LHFPL3: variants seen among roughly 807,000 people sequenced by gnomAD.
The protein encoded by LHFPL3 is LHFPL tetraspan subfamily member 3 protein.
LHFPL3 carries 5 observed loss-of-function variants against 19.3 expected under a neutral mutation model. The observed-to-expected ratio is 0.26, with a 90% CI of 0.14 to 0.54. The LOEUF (loss-of-function observed/expected upper bound fraction) is 0.54. LHFPL3 is among the 20% of genes least tolerant of loss of function. The pLI, the probability that LHFPL3 is intolerant of heterozygous loss-of-function variation, is 0.94. For synonymous variants in LHFPL3, 133 were observed against 126.2 expected, an observed-to-expected ratio of 1.05 and a Z score of -0.36; for missense variants, 249 against 307.4, an observed-to-expected ratio of 0.81 and a Z score of 1.42.
At chr7:104,498,687 A>G (rs1390756075) in intron 1 of LHFPL3, among the ~76,000 whole-genome samples, 12 of 152,108 alleles carry the variant, frequency 7.9e-5, no homozygotes, top group Non-Finnish European at 1.5e-4. Flanking sequence ...CATGTTGACC[A>G]GGTTGGTCTC....
intron 2 of LHFPL3, among the ~76,000 whole-genome samples, chr7:104,832,958 ATG>A: frequency 1.5e-5 from 1 of 66,862 alleles, no homozygotes; most frequent in African/African-American, 7.1e-5. Context: ...AACTAATAGG[ATG>A]TATATATATA....
intron 1 of LHFPL3, among the ~76,000 whole-genome samples, chr7:104,698,666 G>T (rs565869455): frequency 6.6e-6 from 1 of 152,132 alleles, no homozygotes; most frequent in East Asian, 1.9e-4. Flanking sequence ...AGAAACCAAG[G>T]TATCTTTTAA....
At chr7:104,414,996 C>A (rs947505038) in intron 1 of LHFPL3, among the ~76,000 whole-genome samples, 4 of 151,998 alleles carry the variant, frequency 2.6e-5, no homozygotes, top group Non-Finnish European at 5.9e-5. Flanking sequence ...AGTTACATTT[C>A]GGGTAAATGT....
Position 104,823,828 on chromosome 7 carries a change from G to T in LHFPL3, c.683-82359G>T, listed in dbSNP as rs569550847. ...CTGGAAAAAAAGAGAAAGAGATATG[G>T]CTAATAAACTATTCAAAAAAGATTT... On this transcript the variant is annotated intron_variant, in intron 2 of 2. Transcript: ENST00000424859. Among the ~76,000 whole-genome samples the T allele has an allele frequency of 2.3e-4, 35 of 152,036 alleles. 1 individual carries two copies. In the Middle Eastern group the frequency reaches 0.014, roughly 59 times the overall value.
chr7:104,378,431 T>C (rs947596593), intron 1 of LHFPL3, among the ~76,000 whole-genome samples: 2 of 152,234 alleles, frequency 1.3e-5, no homozygotes, highest in African/African-American at 4.8e-5. Context: ...GGATGTACTA[T>C]ATTTATTCAC....
chr7:104,666,678 C>T (rs1009658623), intron 1 of LHFPL3, among the ~76,000 whole-genome samples: 5 of 149,948 alleles, frequency 3.3e-5, no homozygotes, highest in African/African-American at 1.2e-4. Context: ...CCCGCCACTA[C>T]GCCCGGCTAA....
intron 1 of LHFPL3, among the ~76,000 whole-genome samples, chr7:104,335,218 A>G (rs890440443): frequency 6.6e-6 from 1 of 152,122 alleles, no homozygotes; most frequent in Admixed American, 6.5e-5. Context: ...TCTTGCCCCA[A>G]AATGCTGCTT....
chr7:104,869,715 A>G (rs1445987560), intron 2 of LHFPL3, among the ~76,000 whole-genome samples: 1 of 152,182 alleles, frequency 6.6e-6, no homozygotes, highest in African/African-American at 2.4e-5. Flanking sequence ...TAGAAATACC[A>G]TTTGACCCAG....
chr7:104,838,170 G>A (rs935681689), intron 2 of LHFPL3, among the ~76,000 whole-genome samples: 3 of 152,160 alleles, frequency 2.0e-5, no homozygotes, highest in Non-Finnish European at 2.9e-5. Flanking sequence ...GGCTGGTAAA[G>A]ATATATGAGA....
At chr7:104,841,928 A>T (rs1791218139) in intron 2 of LHFPL3, among the ~76,000 whole-genome samples, 1 of 152,054 alleles carries the variant, frequency 6.6e-6, no homozygotes, top group Non-Finnish European at 1.5e-5. Flanking sequence ...AAAAGGAGAG[A>T]TAAAAGAGGC....
chr7:104,677,895 T>C (rs559510352), intron 1 of LHFPL3, among the ~76,000 whole-genome samples: 18 of 152,348 alleles, frequency 1.2e-4, no homozygotes, highest in East Asian at 1.9e-4. Context: ...TTAATTTTCA[T>C]TGAGTTAAAT....
At chr7:104,495,328 C>T (rs1406093366) in intron 1 of LHFPL3, among the ~76,000 whole-genome samples, 1 of 152,206 alleles carries the variant, frequency 6.6e-6, no homozygotes, top group Non-Finnish European at 1.5e-5. Context: ...TCACCTTAGC[C>T]TCCCAAGTAG....
chr7:104,639,000 A>C (rs1484657875), intron 1 of LHFPL3, among the ~76,000 whole-genome samples: 1 of 151,906 alleles, frequency 6.6e-6, no homozygotes, highest in Non-Finnish European at 1.5e-5. Context: ...CCTGAGCTCA[A>C]GTGATCCTCC....
At chr7:104,840,938 T>C (rs997039697) in intron 2 of LHFPL3, among the ~76,000 whole-genome samples, 3 of 152,224 alleles carry the variant, frequency 2.0e-5, no homozygotes, top group East Asian at 1.9e-4. Context: ...GTATAATAAG[T>C]AAGCTTATGA....
chr7:104,398,131 T>C (rs1791231217), intron 1 of LHFPL3, among the ~76,000 whole-genome samples: 1 of 152,144 alleles, frequency 6.6e-6, no homozygotes, highest in South Asian at 2.1e-4. Context: ...CACACCTACG[T>C]AAAATCTTCC....
chr7:104,712,855 A>G, intron 1 of LHFPL3, among the ~76,000 whole-genome samples: 1 of 152,354 alleles, frequency 6.6e-6, no homozygotes, highest in Middle Eastern at 3.4e-3. Context: ...TGCTTAATCT[A>G]GATTGTTTGA....
chr7:104,893,215 A>G (rs762790784), intron 2 of LHFPL3, among the ~76,000 whole-genome samples: 1 of 139,942 alleles, frequency 7.1e-6, no homozygotes, highest in East Asian at 2.0e-4. Flanking sequence ...CTCTGTCTCT[A>G]AAAAAAAAAA....
At chr7:104,361,406 A>C (rs1790389456) in intron 1 of LHFPL3, among the ~76,000 whole-genome samples, 1 of 152,252 alleles carries the variant, frequency 6.6e-6, no homozygotes, top group African/African-American at 2.4e-5. Flanking sequence ...GTCAAGGTAC[A>C]TTCTAAATAG....
intron 1 of LHFPL3, among the ~76,000 whole-genome samples, chr7:104,688,649 T>A (rs1364024386): frequency 6.6e-6 from 1 of 152,136 alleles, no homozygotes; most frequent in African/African-American, 2.4e-5. Context: ...ACCCATGCAC[T>A]GCCTGAGACA....
Sources: gnomAD v4.1 joint callset for allele counts (sites outside exome capture counted in the v4.1 genomes callset) on GRCh38, gnomAD v4.1.1 for gene constraint, MANE v1.5 for transcripts, NCBI Gene and HGNC (gene_info 2026-07-23, HGNC 2026-07-21) for gene names.